Variants in MTCL1 observed in about 807,000 individuals in gnomAD.
MTCL1 encodes microtubule crosslinking factor 1.
Under a neutral mutation model 141.4 loss-of-function variants are expected in MTCL1, and 79 were observed. The observed-to-expected ratio is 0.56, with a 90% CI of 0.47 to 0.67. The LOEUF is 0.67. Ranked by LOEUF, MTCL1 falls within the 30% of genes least tolerant of loss-of-function variation. MTCL1 has a pLI of 0.00. For synonymous variants in MTCL1, 914 were observed against 875.8 expected, an observed-to-expected ratio of 1.04 and a Z score of -0.77; for missense variants, 2,177 against 2,113.9, an observed-to-expected ratio of 1.03 and a Z score of -0.59.
intron 4 of MTCL1, among the ~76,000 whole-genome samples, chr18:8,742,004 C>T (rs2096306016): frequency 6.6e-6 from 1 of 151,640 alleles, no homozygotes; most frequent in South Asian, 2.1e-4. Context: ...CCTATTCAGA[C>T]CTGCCCTGGT....
chr18:8,761,309 G>T (rs886297718), intron 4 of MTCL1, among the ~76,000 whole-genome samples: 4 of 152,144 alleles, frequency 2.6e-5, no homozygotes, highest in African/African-American at 7.2e-5. Context: ...GAAAATTTTT[G>T]ATGTAAATTA....
chr18:8,768,271 A>C (rs377233974), intron 4 of MTCL1, among the ~76,000 whole-genome samples: 1 of 152,230 alleles, frequency 6.6e-6, no homozygotes, highest in Admixed American at 6.5e-5. Flanking sequence ...TAAATGGTAG[A>C]TGCCTATTCA....
chr18:8,802,258 C>G (rs1028384442), intron 10 of MTCL1: 1 of 152,114 alleles, frequency 6.6e-6, no homozygotes, highest in Non-Finnish European at 1.5e-5. Context: ...CTGGAATTCT[C>G]CTGCCTCTGT....
At chr18:8,714,609 A>G (rs2096115287), upstream of MTCL1, among the ~76,000 whole-genome samples, 1 of 152,150 alleles carries the variant, frequency 6.6e-6, no homozygotes, top group Non-Finnish European at 1.5e-5. Flanking sequence ...TGCCGTTTAT[A>G]AAACCATTAG....
At chr18:8,728,796 T>TGCG (rs2096233558) in intron 4 of MTCL1, among the ~76,000 whole-genome samples, 1 of 6,668 alleles carries the variant, frequency 1.5e-4, no homozygotes, top group Admixed American at 2.8e-3. Flanking sequence ...AGTGGCGTGA[T>TGCG]TGATCTCGGC....
intron 15 of MTCL1, among the ~76,000 whole-genome samples, chr18:8,827,959 A>G (rs2077077908): frequency 6.6e-6 from 1 of 152,192 alleles, no homozygotes; most frequent in East Asian, 1.9e-4. Flanking sequence ...AAAAGAGATG[A>G]TGTGAAGGGA....
At chr18:8,770,465 G>A (rs1222039882) in intron 4 of MTCL1, among the ~76,000 whole-genome samples, 4 of 152,176 alleles carry the variant, frequency 2.6e-5, no homozygotes, top group East Asian at 1.9e-4. Flanking sequence ...CTGCCTTCTC[G>A]ATGAATCCTC....
chr18:8,749,654 A>G (rs2096360325), intron 4 of MTCL1, among the ~76,000 whole-genome samples: 1 of 152,224 alleles, frequency 6.6e-6, no homozygotes, highest in Non-Finnish European at 1.5e-5. Context: ...TGACAAGAGC[A>G]CAGGGATGGG....
chr18:8,717,998 T>C (rs931478865), intron 2 of MTCL1: 1 of 1,020,068 alleles, frequency 9.8e-7, no homozygotes, highest in Admixed American at 5.1e-5. Flanking sequence ...GCACTTGTTA[T>C]CCTACTGAAG....
exon 15 of MTCL1, chr18:8,825,632 C>T (rs78834168): frequency 6.8e-6 from 11 of 1,613,728 alleles, no homozygotes; most frequent in African/African-American, 1.3e-5. Context: ...CCCCTGCCAT[C>T]GAGAAGGTGC....
upstream of MTCL1, among the ~76,000 whole-genome samples, chr18:8,712,662 CA>C (rs1354741028): frequency 6.6e-6 from 1 of 152,212 alleles, no homozygotes; most frequent in Non-Finnish European, 1.5e-5. Flanking sequence ...TTAATGTAGA[CA>C]AGGGCTGCGG....
At chr18:8,756,475 G>GTATA (rs1384307808) in intron 4 of MTCL1, among the ~76,000 whole-genome samples, 110 of 147,690 alleles carry the variant, frequency 7.4e-4, no homozygotes, top group African/African-American at 2.7e-3. Flanking sequence ...GTATATGTGT[G>GTATA]TATATGTGTG....
chr18:8,713,808 T>C (rs1186710830), upstream of MTCL1, among the ~76,000 whole-genome samples: 1 of 152,182 alleles, frequency 6.6e-6, no homozygotes, highest in Non-Finnish European at 1.5e-5. Flanking sequence ...CCAGGCATGG[T>C]GGCATGTGCT....
At chr18:8,729,643 A>C (rs2096239851) in intron 4 of MTCL1, among the ~76,000 whole-genome samples, 1 of 100,040 alleles carries the variant, frequency 1.0e-5, no homozygotes, top group Admixed American at 1.1e-4. Context: ...GACTCAAGTG[A>C]TCCTCTCACT....
Position 8,801,126 on chromosome 18 carries a change from A to C in MTCL1, c.2436+2835A>C, listed in dbSNP as rs879748486. On this transcript the variant is annotated intron_variant, in intron 10 of 16. Transcript: ENST00000359865. ...GCCTTCGGGGGCTGCCTGAGAAGTC[A>C]GCCTTTCTCCTGCAGACAGAGAGCC... Among the ~76,000 whole-genome samples, 108 of 152,100 alleles carry C rather than the reference A, an allele frequency of 7.1e-4. 1 individual carries two copies. The highest frequency in any genetic ancestry group is 2.0e-3 in the Admixed American group (30 of 15,278).
intron 7 of MTCL1, chr18:8,786,559 C>A (rs1423271841): frequency 1.7e-5 from 6 of 360,440 alleles, no homozygotes; most frequent in Non-Finnish European, 3.3e-5. Context: ...TTGGTAGAAT[C>A]AGGGAGGCTC....
chr18:8,769,727 G>A (rs539041777), intron 4 of MTCL1, among the ~76,000 whole-genome samples: 9 of 152,178 alleles, frequency 5.9e-5, no homozygotes, highest in Non-Finnish European at 1.3e-4. Context: ...TCTTTGACTT[G>A]GATGCTGGGA....
chr18:8,811,142 G>C (rs1045218688), intron 11 of MTCL1: 4 of 152,340 alleles, frequency 2.6e-5, no homozygotes, highest in African/African-American at 9.6e-5. Flanking sequence ...TCTGCAAGCT[G>C]CACAAGAAGC....
At chr18:8,764,614 G>A (rs2096450542) in intron 4 of MTCL1, among the ~76,000 whole-genome samples, 1 of 152,082 alleles carries the variant, frequency 6.6e-6, no homozygotes, top group Non-Finnish European at 1.5e-5. Flanking sequence ...CACTGGCCCT[G>A]GCCCCTGCCC....
Sources: allele counts gnomAD v4.1 joint callset (sites outside exome capture counted in the v4.1 genomes callset), GRCh38; gene constraint gnomAD v4.1.1; transcripts MANE v1.5; gene names NCBI Gene and HGNC (gene_info 2026-07-23, HGNC 2026-07-21).